ELOVL6: variants seen among roughly 807,000 people sequenced by gnomAD.
ELOVL6 encodes the protein very long chain fatty acid elongase 6.
Under a neutral mutation model 31.7 loss-of-function variants are expected in ELOVL6, and 8 were observed. The ratio of observed to expected loss-of-function variants is 0.25; its 90% CI spans 0.15 to 0.45. The LOEUF is 0.45. Ranked by LOEUF, ELOVL6 falls within the 20% of genes least tolerant of loss-of-function variation. The pLI is 1.00. For synonymous variants in ELOVL6, 101 were observed against 117.7 expected (o/e 0.86, Z 0.92); for missense variants, 126 against 326.4 (o/e 0.39, Z 4.73).
At chr4:110,081,182 A>G (rs79308992) in intron 2 of ELOVL6, among the ~76,000 whole-genome samples, 84,226 of 151,716 alleles carry the variant, frequency 0.56, 24,691 homozygotes, top group African/African-American at 0.75. Context: ...GTAATTTATA[A>G]ATTCAATGCC....
At chr4:110,162,218 T>G (rs1291086358) in intron 1 of ELOVL6, among the ~76,000 whole-genome samples, 2 of 152,194 alleles carry the variant, frequency 1.3e-5, no homozygotes, top group African/African-American at 4.8e-5. Context: ...ATAGTAAAAT[T>G]AATTATAAAG....
chr4:110,049,519 T>C lies in ELOVL6; in HGVS notation c.*1819A>G, dbSNP rs1291192851. On this transcript the variant is annotated 3_prime_UTR_variant, in exon 4 of 4. Transcript: ENST00000302274. ...GACAGCACAATTAAAGCTAAAATAATATAAAAATAATTCGAAAAAATCCCT... is the reference window on the plus strand; with the variant it reads ...GACAGCACAATTAAAGCTAAAATAACATAAAAATAATTCGAAAAAATCCCT... 6.6e-6 allele frequency: 1 copy of C among 152,492 alleles called. No homozygotes were observed. Among genetic ancestry groups the C allele is most frequent in the African/African-American group, 2.4e-5 (1 of 41,406 alleles). 9.4% of individuals were successfully genotyped at this position (152,492 alleles called of 1,614,324 possible).
At chr4:110,102,787 A>T (rs1215217835) in intron 2 of ELOVL6, among the ~76,000 whole-genome samples, 1 of 152,132 alleles carries the variant, frequency 6.6e-6, no homozygotes, top group African/African-American at 2.4e-5. Flanking sequence ...CACCTTTAGT[A>T]CCCAGACAGT....
At chr4:110,078,732 C>T (rs1428593945) in intron 2 of ELOVL6, among the ~76,000 whole-genome samples, 2 of 152,194 alleles carry the variant, frequency 1.3e-5, no homozygotes, top group Non-Finnish European at 1.5e-5. Flanking sequence ...CAAATTCACA[C>T]ATAACCATAT....
chr4:110,057,329 A>T (rs72676979), intron 3 of ELOVL6, among the ~76,000 whole-genome samples: 8,140 of 133,574 alleles, frequency 0.061, 330 homozygotes, highest in East Asian at 0.18. Context: ...ATTTCTTATT[A>T]AAAAAAAAAT....
intron 1 of ELOVL6, among the ~76,000 whole-genome samples, chr4:110,160,749 C>A (rs779873414): frequency 3.9e-5 from 6 of 152,290 alleles, no homozygotes; most frequent in Non-Finnish European, 8.8e-5. Context: ...TAAATTCCTT[C>A]ATGTGAAACA....
At chr4:110,084,075 G>GATATATATGATATATATAA (rs1243873061) in intron 2 of ELOVL6, among the ~76,000 whole-genome samples, 4 of 54,854 alleles carry the variant, frequency 7.3e-5, no homozygotes, top group South Asian at 1.2e-3. Flanking sequence ...ACATATATAT[G>GATATATATGATATATATAA]CTATATATGA....
rs530859655 is a variant in ELOVL6 at position 110,193,266 on chromosome 4, T to C, written c.89+4981A>G. On this transcript the variant is annotated intron_variant, in intron 1 of 3. Coordinates refer to ENST00000302274, the MANE Select transcript of ELOVL6 (RefSeq NM_024090.3). ...CATGAAATTGTACATCGTGTTACTTTCCAAACTTCACCTACAAAAAAGATA... is the reference window on the plus strand; with the variant it reads ...CATGAAATTGTACATCGTGTTACTTCCCAAACTTCACCTACAAAAAAGATA... Among the ~76,000 whole-genome samples the C allele has an allele frequency of 3.3e-4, 50 of 152,346 alleles. 1 individual carries two copies. Among genetic ancestry groups the C allele is most frequent in the African/African-American group, 1.2e-3 (48 of 41,578 alleles).
At chr4:110,183,286 CTT>C (rs1759343865) in intron 1 of ELOVL6, among the ~76,000 whole-genome samples, 4 of 152,308 alleles carry the variant, frequency 2.6e-5, no homozygotes, top group African/African-American at 7.2e-5. Context: ...TAATTTAACT[CTT>C]TTAACAAACT....
intron 1 of ELOVL6, among the ~76,000 whole-genome samples, chr4:110,176,987 G>A (rs1405503216): frequency 2.6e-5 from 4 of 152,144 alleles, no homozygotes; most frequent in Non-Finnish European, 5.9e-5. Context: ...TGCCTGCCTC[G>A]GCCTCCCAAA....
intron 2 of ELOVL6, among the ~76,000 whole-genome samples, chr4:110,087,512 G>C (rs549556851): frequency 5.8e-4 from 89 of 152,220 alleles, no homozygotes; most frequent in African/African-American, 2.0e-3. Context: ...CAGCTCTAAA[G>C]GGTAATTATT....
chr4:110,146,995 A>G (rs1758132871), intron 1 of ELOVL6: 1 of 139,500 alleles, frequency 7.2e-6, no homozygotes, highest in Non-Finnish European at 1.6e-5. Flanking sequence ...GTCTCAAAGA[A>G]AAAAAAAAGC....
intron 1 of ELOVL6, among the ~76,000 whole-genome samples, chr4:110,179,703 A>G (rs1159089323): frequency 6.6e-6 from 1 of 152,220 alleles, no homozygotes; most frequent in Admixed American, 6.5e-5. Context: ...TTCATTCCAA[A>G]TGTCCTAGAT....
At chr4:110,059,330 A>C (rs1397510360) in intron 3 of ELOVL6, among the ~76,000 whole-genome samples, 1 of 152,160 alleles carries the variant, frequency 6.6e-6, no homozygotes, top group Non-Finnish European at 1.5e-5. Flanking sequence ...TGTACATTTT[A>C]TAAGTCCGTG....
chr4:110,058,953 C>G (rs887374336), intron 3 of ELOVL6, among the ~76,000 whole-genome samples: 1 of 152,180 alleles, frequency 6.6e-6, no homozygotes, highest in East Asian at 1.9e-4. Flanking sequence ...ACATTAACTC[C>G]TTGACTTTAC....
At position 110,183,376 on chromosome 4, in the gene ELOVL6, A is replaced by T. The variant is rs542285679; in HGVS notation, c.89+14871T>A. On this transcript the variant is annotated intron_variant, in intron 1 of 3. Transcript: ENST00000302274. ...CAAGTTGTCCTGCTTTCCGGGCAGA[A>T]CCAATATATACCTCACATGTATTGA... is the stretch of plus-strand genomic sequence containing the variant. 3.3e-5 allele frequency among the ~76,000 whole-genome samples: 5 copies of T among 152,306 alleles called. No homozygotes were observed. In the South Asian group the frequency reaches 6.2e-4, roughly 19 times the overall value.
chr4:110,159,273 C>A (rs980456579), intron 1 of ELOVL6, among the ~76,000 whole-genome samples: 1 of 151,994 alleles, frequency 6.6e-6, no homozygotes, highest in Non-Finnish European at 1.5e-5. Flanking sequence ...CCCAGGGGAA[C>A]AAGACAGACA....
chr4:110,102,141 T>C (rs1756759522), intron 2 of ELOVL6, among the ~76,000 whole-genome samples: 1 of 152,180 alleles, frequency 6.6e-6, no homozygotes, highest in African/African-American at 2.4e-5. Context: ...GTTTCCCAAA[T>C]TCTGGCTTAA....
intron 1 of ELOVL6, among the ~76,000 whole-genome samples, chr4:110,112,273 T>C (rs1757054670): frequency 6.6e-6 from 1 of 152,228 alleles, no homozygotes; most frequent in South Asian, 2.1e-4. Context: ...GAAGTGTGTG[T>C]GTGAACTGCG....
Sources: allele counts gnomAD v4.1 joint callset (sites outside exome capture counted in the v4.1 genomes callset), GRCh38; gene constraint gnomAD v4.1.1; transcripts MANE v1.5; gene names NCBI Gene and HGNC (gene_info 2026-07-23, HGNC 2026-07-21).